Variants in TFRC observed in about 807,000 individuals in gnomAD.
The protein encoded by TFRC is transferrin receptor.
In TFRC, 35 loss-of-function variants were observed where a neutral mutation model predicts 85.8. That is an observed-to-expected ratio of 0.41 (90% CI 0.31 to 0.54). The LOEUF is 0.54. Among genes scored for constraint, TFRC ranks in the 20% least tolerant of loss-of-function variants. TFRC has a pLI of 0.31. For synonymous variants in TFRC, 362 were observed against 328.6 expected, an observed-to-expected ratio of 1.10 and a Z score of -1.10; for missense variants, 828 against 921.5, an observed-to-expected ratio of 0.90 and a Z score of 1.31.
At chr3:196,053,963 G>A (rs1204731656) in intron 17 of TFRC, among the ~76,000 whole-genome samples, 5 of 152,144 alleles carry the variant, frequency 3.3e-5, no homozygotes, top group South Asian at 2.1e-4. Flanking sequence ...GATGCCGGGC[G>A]TGGTGGCTCA....
At chr3:196,072,303 A>G (rs1205884499) in intron 4 of TFRC, 151 bp from the exon 5 acceptor site, 27 of 1,107,928 alleles carry the variant, frequency 2.4e-5, no homozygotes, top group Admixed American at 3.0e-5. Context: ...ACTGACCAGA[A>G]TATCACAAAA....
At chr3:196,076,510 C>T (rs577600712) in intron 2 of TFRC, among the ~76,000 whole-genome samples, 10 of 149,706 alleles carry the variant, frequency 6.7e-5, no homozygotes, top group Admixed American at 2.7e-4. Context: ...AGTGCAATGG[C>T]GTGATCTCAG....
intron 1 of TFRC, among the ~76,000 whole-genome samples, chr3:196,080,214 G>A (rs920357094): frequency 3.9e-5 from 6 of 152,162 alleles, no homozygotes; most frequent in African/African-American, 7.2e-5. Flanking sequence ...AGCGACTCTC[G>A]AGCCTCAGCC....
At chr3:196,079,964 T>C (rs1577260810) in intron 1 of TFRC, among the ~76,000 whole-genome samples, 1 of 152,224 alleles carries the variant, frequency 6.6e-6, no homozygotes. Context: ...TTGAACTACC[T>C]GATAATGAGT....
At position 196,064,365 on chromosome 3, in the gene TFRC, A is replaced by G; in HGVS notation, c.1262T>C (p.Val421Ala). 2 of 1,613,938 alleles carry G rather than the reference A, an allele frequency of 1.2e-6. No homozygotes were observed. Among genetic ancestry groups the G allele is most frequent in the East Asian group, 4.5e-5 (2 of 44,848 alleles). ...AAGTTTCAATAGGAGAGCTGTGCCT[A>G]CACCGGATTTTGCAGCTCCAGGGCC... ...AWGPGAAKSGVGTALLLKLAQ... is the reference protein window; with the variant it reads ...AWGPGAAKSGAGTALLLKLAQ... Residue 421 changes from valine (V) to alanine (A), a missense_variant, in exon 11 of 19, where the codon GTA becomes GCA. Physicochemically the swap from Val to Ala is moderately conservative, Grantham distance 64 (BLOSUM62 0). Transcript: ENST00000360110.
intron 14 of TFRC, chr3:196,058,887 C>T (rs879194423): frequency 1.2e-5 from 3 of 247,280 alleles, no homozygotes; most frequent in East Asian, 1.8e-4. Flanking sequence ...TGGGCCTAGG[C>T]CGGGTGGGGT....
intron 16 of TFRC, chr3:196,057,999 T>C: frequency 3.9e-6 from 1 of 256,842 alleles, no homozygotes; most frequent in Non-Finnish European, 7.4e-6. Flanking sequence ...ACTGCAACCT[T>C]GCACCAAAAA....
chr3:196,070,138 A>AACT (rs1394921993), intron 6 of TFRC, among the ~76,000 whole-genome samples: 1 of 152,138 alleles, frequency 6.6e-6, no homozygotes, highest in Non-Finnish European at 1.5e-5. Context: ...CCCATCTCTA[A>AACT]ACTCCTGGCT....
intron 14 of TFRC, 137 bp from the exon 15 acceptor site, chr3:196,058,769 T>C (rs1018788356): frequency 4.0e-6 from 2 of 503,324 alleles, no homozygotes; most frequent in African/African-American, 2.0e-5. Flanking sequence ...TTATTTATGA[T>C]AGTTAAAACA....
chr3:196,075,821 T>G (rs997760023), intron 2 of TFRC, among the ~76,000 whole-genome samples: 3 of 151,954 alleles, frequency 2.0e-5, no homozygotes, highest in African/African-American at 7.3e-5. Context: ...AAGCATAAGA[T>G]AGAAGACAGA....
Position 196,051,320 on chromosome 3 carries a change from T to C in TFRC, c.*622A>G, listed in dbSNP as rs1016308842. 1 of 220,052 alleles carries C rather than the reference T, an allele frequency of 4.5e-6. No homozygotes were observed. Among genetic ancestry groups the C allele is most frequent in the African/African-American group, 2.2e-5 (1 of 44,758 alleles). The allele number at this position is 220,052 out of a possible 1,614,324, so 13.6% of individuals were successfully genotyped here. A position where few individuals can be genotyped will look rare whatever the true frequency, so the allele number is the denominator to read the frequency against. ...GGTCCCCTCTTTTCATAAATGACAC[T>C]GAGGTTAACATATTAAGGCCTTATT... On this transcript the variant is annotated 3_prime_UTR_variant, in exon 19 of 19. Transcript: ENST00000360110.
chr3:196,063,737 C>T (rs1484412320), intron 11 of TFRC, among the ~76,000 whole-genome samples: 3 of 151,990 alleles, frequency 2.0e-5, no homozygotes, highest in Non-Finnish European at 4.4e-5. Flanking sequence ...GCCAACATGG[C>T]GAAACCCTGT....
chr3:196,053,759 A>T (rs1355952264), intron 17 of TFRC, among the ~76,000 whole-genome samples: 1 of 152,216 alleles, frequency 6.6e-6, no homozygotes, highest in African/African-American at 2.4e-5. Context: ...GCATGTAAGA[A>T]AACCATTCTC....
At chr3:196,058,248 CCT>C (rs1716978464) in intron 16 of TFRC, 34 bp downstream of exon 16, 1 of 1,553,440 alleles carries the variant, frequency 6.4e-7, no homozygotes, top group South Asian at 1.1e-5. Context: ...TTTTAGAGAG[CCT>C]CTCTCCATTT....
intron 16 of TFRC, among the ~76,000 whole-genome samples, chr3:196,057,449 C>G (rs543946906): frequency 1.3e-4 from 20 of 152,144 alleles, no homozygotes; most frequent in African/African-American, 4.8e-4. Context: ...TTTTTGGAGA[C>G]GTGAGTCTTG....
At position 196,049,424 on chromosome 3, in the gene TFRC, TA is replaced by T; in HGVS notation, c.*2517del. The T allele has an allele frequency of 4.7e-6, 1 of 211,990 alleles. No homozygotes were observed. Among genetic ancestry groups the T allele is most frequent in the Non-Finnish European group, 9.6e-6 (1 of 104,634 alleles). 13.1% of individuals were successfully genotyped at this position (211,990 alleles called of 1,614,324 possible). On this transcript the variant is annotated 3_prime_UTR_variant, in exon 19 of 19. Coordinates refer to ENST00000360110, the MANE Select transcript of TFRC (RefSeq NM_001128148.3). ...AAGAACATTCAAAGAGCTAACACAG[TA>T]AAGGTCATGCAAGTTCTAGAATAGT...
At chr3:196,071,903 C>T in intron 5 of TFRC, 100 bp downstream of exon 5, 1 of 1,350,554 alleles carries the variant, frequency 7.4e-7, no homozygotes, top group Non-Finnish European at 1.0e-6. Flanking sequence ...GACTCCATTT[C>T]AAAAAAAAGC....
At chr3:196,081,519 G>A (rs931410745) in intron 1 of TFRC, among the ~76,000 whole-genome samples, 8 of 152,324 alleles carry the variant, frequency 5.3e-5, no homozygotes, top group Admixed American at 2.0e-4. Context: ...ACGAATCCCA[G>A]CCGTTCCCTG....
In TFRC at chr3:196,061,034, A is replaced by G. The variant is rs373924263; in HGVS notation, c.1469-787T>C. Among the ~76,000 whole-genome samples, 197 of 152,240 alleles carry G rather than the reference A, an allele frequency of 1.3e-3. 8 individuals carry two copies. The South Asian group carries it at 0.04, about 31-fold the overall frequency. ...TACAACAGGGAAATAACTAACCTAG[A>G]GAGGTTTAATTGTAACTCTTTCCTT... On this transcript the variant is annotated intron_variant, in intron 13 of 18. Coordinates refer to ENST00000360110, the MANE Select transcript of TFRC (RefSeq NM_001128148.3).
Sources: gnomAD v4.1 joint callset for allele counts (sites outside exome capture counted in the v4.1 genomes callset) on GRCh38, gnomAD v4.1.1 for gene constraint, MANE v1.5 for transcripts, NCBI Gene and HGNC (gene_info 2026-07-23, HGNC 2026-07-21) for gene names.